MKS1: variants seen among roughly 807,000 people sequenced by gnomAD.
MKS1 encodes the protein MKS transition zone complex subunit 1.
In MKS1, 70 loss-of-function variants were observed where a neutral mutation model predicts 83.7. The ratio of observed to expected loss-of-function variants is 0.84; its 90% CI spans 0.69 to 1.02. The LOEUF (loss-of-function observed/expected upper bound fraction) is 1.02, where lower values mean the gene tolerates loss of function less well. Among genes scored for constraint, MKS1 ranks in the 50% least tolerant of loss-of-function variants. The pLI is 0.00. For missense variants in MKS1, 681 were observed against 726.9 expected (o/e 0.94, Z 0.73); for synonymous variants, 251 against 273.4 (o/e 0.92, Z 0.81).
chr17:58,218,695 G>C lies in MKS1; in HGVS notation c.115C>G (p.Leu39Val), dbSNP rs11653070. 1 of 1,613,900 alleles carries C rather than the reference G, an allele frequency of 6.2e-7. No individual in the cohort carries two copies. The highest frequency in any genetic ancestry group is 1.3e-5 in the African/African-American group (1 of 74,910). The part of the protein sequence containing the change: ...HLQRITSSNF[L>V]HYQPAAELGK... The stretch of plus-strand genomic sequence containing the variant: ...AGCTCGGCAGCAGGCTGATAATGAA[G>C]AAAGTTGCTTGATGTGATTCTTTGC... Residue 39 changes from leucine to valine, a missense_variant, in exon 2 of 18, where the codon CTT becomes GTT. Physicochemically the swap from Leu to Val is conservative, Grantham distance 32. Coordinates refer to ENST00000393119, the MANE Select transcript of MKS1 (RefSeq NM_017777.4).
At position 58,208,615 on chromosome 17, in the gene MKS1, G is replaced by T. The variant is rs180929077; in HGVS notation, c.1025-32C>A. 1.1e-5 allele frequency: 18 copies of T among 1,596,812 alleles called. No homozygotes were observed. In the African/African-American group the frequency reaches 2.1e-4, roughly 19 times the overall value. On this transcript the variant is annotated intron_variant, in intron 11 of 17. Transcript: ENST00000393119. ...GCCAAAGACCAAATATAGTAAGCTCGCCTGGGAGGAAAGCAAGTCATTCAG... is the reference window on the plus strand; with the variant it reads ...GCCAAAGACCAAATATAGTAAGCTCTCCTGGGAGGAAAGCAAGTCATTCAG...
intron 14 of MKS1, chr17:58,207,520 A>G (rs558741908): frequency 2.6e-4 from 142 of 549,336 alleles, no homozygotes; most frequent in African/African-American, 2.5e-3. Context: ...TCACAGAGTG[A>G]CTGGGAGAAT....
Position 58,216,729 on chromosome 17 carries a change from G to A in MKS1, c.198C>T (p.His66=). ...TFRPQPTASG[H]RPEEDEEEEI... ...CCTCCTCTTCGTCTTCCTCTGGGCG[G>A]TGTCCACCTCCAAAGACAACAGAGT... Residue 66 remains histidine (H), a synonymous_variant, in exon 3 of 18, where the codon CAC becomes CAT. Transcript: ENST00000393119. The A allele has an allele frequency of 1.2e-6, 2 of 1,614,126 alleles. No homozygotes were observed. The highest frequency in any genetic ancestry group is 8.5e-7 in the Non-Finnish European group (1 of 1,179,998).
At chr17:58,218,542 T>C in intron 2 of MKS1, 78 bp downstream of exon 2, 2 of 1,025,150 alleles carry the variant, frequency 2.0e-6, no homozygotes, top group Non-Finnish European at 3.0e-6. Context: ...TAGTATTTGT[T>C]ATCTCACTAC....
At chr17:58,217,882 G>A (rs1201535251) in intron 2 of MKS1, among the ~76,000 whole-genome samples, 2 of 152,038 alleles carry the variant, frequency 1.3e-5, no homozygotes, top group Admixed American at 1.3e-4. Context: ...TCAGAGACAC[G>A]TTTCACAACC....
At position 58,216,242 on chromosome 17, in the gene MKS1, A is replaced by T. The variant is rs886053170; in HGVS notation, c.263T>A (p.Phe88Tyr). The change falls in exon 4 of 18, where the codon TTT becomes TAT. Residue 88 changes from phenylalanine (F) to tyrosine (Y), a missense_variant and splice_region_variant. Physicochemically the swap from Phe to Tyr is conservative, Grantham distance 22. Transcript: ENST00000393119. ...TTCATTTTGGTACAGATCTACTTCA[A>T]ACTGAGGTTACCATAAGGAAACAGA... is the stretch of plus-strand genomic sequence containing the variant. ...IGWQEKLFSQ[F>Y]EVDLYQNETA... The T allele has an allele frequency of 6.2e-7, 1 of 1,612,220 alleles. No individual in the cohort carries two copies. Among genetic ancestry groups the T allele is most frequent in the Non-Finnish European group, 8.5e-7 (1 of 1,179,930 alleles).
chr17:58,207,048 G>A (rs757940223), intron 15 of MKS1, 37 bp downstream of exon 15: 2 of 1,613,948 alleles, frequency 1.2e-6, no homozygotes, highest in Non-Finnish European at 1.7e-6. Context: ...AGGACCATAA[G>A]TTCTCAGCGT....
chr17:58,208,107 G>T lies in MKS1; in HGVS notation c.1163C>A (p.Ser388Tyr), dbSNP rs1401192823. 25 of 1,613,374 alleles carry T rather than the reference G, an allele frequency of 1.5e-5. No individual in the cohort carries two copies. The highest frequency in any genetic ancestry group is 1.7e-4 in the Middle Eastern group (1 of 6,060). ...EAFFLHEDESSDALPEWPVLY... is the reference protein window; with the variant it reads ...EAFFLHEDESYDALPEWPVLY... ...GGATCAACTGCTGAGCTACTCACCA[G>T]AAGATTCATCCTCATGGAGGAAGAA... The change falls in exon 13 of 18, where the codon TCT (serine) becomes TAT (tyrosine). Residue 388 changes from serine (S) to tyrosine (Y), a missense_variant and splice_region_variant. By Grantham distance (144) the Ser-to-Tyr change is moderately radical (BLOSUM62 -2). This residue lies in a region of MKS1 where 310 missense variants were observed against 321.7 expected (regional missense o/e 0.96). Transcript: ENST00000393119.
chr17:58,214,313 A>C lies in MKS1; in HGVS notation c.590T>G (p.Ile197Ser). 6.2e-7 allele frequency: 1 copy of C among 1,614,120 alleles called. No homozygotes were observed. The highest frequency in any genetic ancestry group is 8.5e-7 in the Non-Finnish European group (1 of 1,180,020). The change falls in exon 6 of 18, where the codon ATT becomes AGT. Residue 197 changes from isoleucine to serine, a missense_variant. Transcript: ENST00000393119. ...SEEFVRNNHV[I>S]NTPLQTMHIM... The stretch of plus-strand genomic sequence containing the variant: ...GTGCATTGTCTGAAGAGGGGTGTTA[A>C]TGACGTGGTTGTTCCTGACAAACTC...
At chr17:58,211,226 T>C (rs1968856380) in intron 9 of MKS1, 1 of 600,326 alleles carries the variant, frequency 1.7e-6, no homozygotes, top group Admixed American at 2.6e-5. Flanking sequence ...GGAAAGTACA[T>C]AATTTAAATG....
intron 17 of MKS1, 24 bp downstream of exon 17, chr17:58,206,259 G>A: frequency 6.2e-7 from 1 of 1,613,874 alleles, no homozygotes; most frequent in Non-Finnish European, 8.5e-7. Context: ...GACCTGGGGT[G>A]GCCAGCTGGG....
Position 58,206,288 on chromosome 17 carries a change from A to G in MKS1, c.1583T>C (p.Val528Ala). 6.2e-7 allele frequency: 1 copy of G among 1,614,140 alleles called. No individual in the cohort carries two copies. The highest frequency in any genetic ancestry group is 8.5e-7 in the Non-Finnish European group (1 of 1,180,018). Residue 528 changes from valine to alanine, a missense_variant, in exon 17 of 18, where the codon GTG becomes GCG. Val to Ala is a moderately conservative substitution (Grantham distance 64). This residue lies in a region of MKS1 where 310 missense variants were observed against 321.7 expected (regional missense o/e 0.96). Transcript: ENST00000393119. ...GFSQQSSIHN[V>A]LEAFRRARRR... ...AGCTGGGGGAGGGGACATACCTAGC[A>G]CATTGTGAATGGAACTCTGCTGGCT...
At chr17:58,214,020 A>T (rs1164094571) in intron 6 of MKS1, 151 bp from the exon 7 acceptor site, 4 of 954,684 alleles carry the variant, frequency 4.2e-6, no homozygotes, top group Non-Finnish European at 6.4e-6. Context: ...AAAAAAAAGG[A>T]AGAAAAAGTC....
intron 11 of MKS1, among the ~76,000 whole-genome samples, chr17:58,210,377 C>T (rs1968802390): frequency 6.6e-6 from 1 of 152,030 alleles, no homozygotes; most frequent in Non-Finnish European, 1.5e-5. Context: ...AGGCATCACC[C>T]AAGAAGGATG....
rs183617764 is a variant in MKS1, at chr17:58,218,674, C to A, written c.136G>T (p.Glu46Ter). The A allele has an allele frequency of 6.2e-7, 1 of 1,613,950 alleles. No homozygotes were observed. Among genetic ancestry groups the A allele is most frequent in the Non-Finnish European group, 8.5e-7 (1 of 1,179,942 alleles). The stretch of plus-strand genomic sequence containing the variant: ...AAGTCTATGAGGTCCTTCCCGAGCT[C>A]GGCAGCAGGCTGATAATGAAGAAAG... ...SNFLHYQPAAELGKDLIDLAT... is the reference protein window; with the variant it reads ...SNFLHYQPAA The change falls in exon 2 of 18, where the codon GAG (glutamate) becomes TAG (stop). Residue 46 changes from glutamate to a stop codon, truncating the protein, a stop_gained. Coordinates refer to ENST00000393119, the MANE Select transcript of MKS1 (RefSeq NM_017777.4). LOFTEE classifies it high-confidence loss of function.
At chr17:58,213,158 G>T in intron 7 of MKS1, 68 bp from the exon 8 acceptor site, 1 of 1,467,022 alleles carries the variant, frequency 6.8e-7, no homozygotes, top group Non-Finnish European at 9.5e-7. Flanking sequence ...ATAGCTCCCA[G>T]CCCAGGGATG....
chr17:58,208,368 C>G, intron 12 of MKS1, 145 bp downstream of exon 12: 2 of 1,023,046 alleles, frequency 2.0e-6, no homozygotes, highest in Non-Finnish European at 3.0e-6. Flanking sequence ...ATCTCCGGAC[C>G]AGGTGGCCCT....
Position 58,208,185 on chromosome 17 carries a change from G to C in MKS1, c.1096-11C>G. The stretch of plus-strand genomic sequence containing the variant: ...GTGAGCCACCTTGTCCTATAAAAAG[G>C]AGTGTCATAGGGTGGGCAAGGCCTC... On this transcript the variant is annotated splice_polypyrimidine_tract_variant and intron_variant, in intron 12 of 17. Transcript: ENST00000393119. The C allele has an allele frequency of 6.2e-7, 1 of 1,605,598 alleles. No individual in the cohort carries two copies.
At chr17:58,210,491 G>A (rs972876673) in intron 11 of MKS1, among the ~76,000 whole-genome samples, 168 bp downstream of exon 11, 2 of 152,168 alleles carry the variant, frequency 1.3e-5, no homozygotes, top group Admixed American at 6.5e-5. Context: ...AAGGTCAAGC[G>A]AGGTGAAAGC....
Sources: gnomAD v4.1 joint callset for allele counts (sites outside exome capture counted in the v4.1 genomes callset) on GRCh38, gnomAD v4.1.1 for gene constraint, gnomAD v4.1.1 regional missense constraint, MANE v1.5 for transcripts, NCBI Gene and HGNC (gene_info 2026-07-23, HGNC 2026-07-21) for gene names.